MARK3: variants seen among roughly 807,000 people sequenced by gnomAD.
MARK3 encodes microtubule affinity regulating kinase 3.
A neutral mutation model predicts 90.1 loss-of-function variants in MARK3; 46 were observed. The ratio of observed to expected loss-of-function variants is 0.51; its 90% CI spans 0.40 to 0.65. The LOEUF is 0.65. MARK3 is among the 30% of genes least tolerant of loss of function. The pLI is 0.00. For synonymous variants in MARK3, 321 were observed against 332.6 expected, an observed-to-expected ratio of 0.97 and a Z score of 0.38; for missense variants, 818 against 947.2, an observed-to-expected ratio of 0.86 and a Z score of 1.79.
chr14:103,437,454 T>G (rs1405155977), intron 3 of MARK3, among the ~76,000 whole-genome samples: 3 of 152,188 alleles, frequency 2.0e-5, no homozygotes, highest in Non-Finnish European at 4.4e-5. Flanking sequence ...ATTGATTGTT[T>G]GTTTTTAGAA....
At chr14:103,474,408 C>G (rs77763072) in intron 12 of MARK3, among the ~76,000 whole-genome samples, 1 of 152,332 alleles carries the variant, frequency 6.6e-6, no homozygotes, top group African/African-American at 2.4e-5. Context: ...CCTGGACACA[C>G]TCCTCCTGGA....
intron 2 of MARK3, among the ~76,000 whole-genome samples, chr14:103,416,931 C>T (rs2091967332): frequency 6.6e-6 from 1 of 152,054 alleles, no homozygotes; most frequent in Admixed American, 6.6e-5. Flanking sequence ...TGATCTGCTA[C>T]GATGAGGAGA....
intron 3 of MARK3, 44 bp downstream of exon 3, chr14:103,428,484 T>C (rs1371506623): frequency 9.0e-7 from 1 of 1,112,690 alleles, no homozygotes; most frequent in Non-Finnish European, 1.3e-6. Context: ...AAATTATCGG[T>C]GCTAATTGCC....
At chr14:103,424,262 G>A (rs544332702) in intron 2 of MARK3, among the ~76,000 whole-genome samples, 13 of 151,592 alleles carry the variant, frequency 8.6e-5, no homozygotes, top group Admixed American at 1.3e-4. Flanking sequence ...ACCGGATGCC[G>A]TGGCTCATGC....
At chr14:103,396,372 T>G (rs1219547869) in intron 1 of MARK3, among the ~76,000 whole-genome samples, 1 of 152,172 alleles carries the variant, frequency 6.6e-6, no homozygotes, top group Non-Finnish European at 1.5e-5. Context: ...TTTTTTTAGT[T>G]TCTGAAAGTA....
chr14:103,440,526 G>T (rs2092823794), intron 3 of MARK3, among the ~76,000 whole-genome samples: 1 of 152,170 alleles, frequency 6.6e-6, no homozygotes, highest in Non-Finnish European at 1.5e-5. Flanking sequence ...CTTGAACCCG[G>T]GAGGTGGAGG....
Position 103,450,782 on chromosome 14 carries a change from T to C in MARK3, c.347-1136T>C, listed in dbSNP as rs146581164. On this transcript the variant is annotated intron_variant, in intron 4 of 17. Transcript: ENST00000429436. ...AAAACACTAGCATACCCCCCAGTTT[T>C]GGGTAAACTTAAAGTAAATATTAAC... is the stretch of plus-strand genomic sequence containing the variant. Among the ~76,000 whole-genome samples, 156 of 152,156 alleles carry C rather than the reference T, an allele frequency of 1.0e-3. 5 individuals carry two copies. In the East Asian group the frequency reaches 0.026, roughly 25 times the overall value.
chr14:103,438,910 C>T (rs1044638289), intron 3 of MARK3, among the ~76,000 whole-genome samples: 5 of 151,758 alleles, frequency 3.3e-5, no homozygotes, highest in African/African-American at 1.2e-4. Context: ...ATTGCTTGAG[C>T]CCGGGAGGTC....
At chr14:103,404,805 C>G (rs753022017) in intron 1 of MARK3, among the ~76,000 whole-genome samples, 1 of 152,086 alleles carries the variant, frequency 6.6e-6, no homozygotes, top group Non-Finnish European at 1.5e-5. Context: ...CAGAAGGTAG[C>G]CCTTTTACTC....
chr14:103,403,269 A>G (rs2091071226), intron 1 of MARK3, among the ~76,000 whole-genome samples: 1 of 151,618 alleles, frequency 6.6e-6, no homozygotes, highest in South Asian at 2.1e-4. Flanking sequence ...TACATACCTC[A>G]TGGGGATATG....
At chr14:103,449,748 A>G (rs570588574) in intron 4 of MARK3, among the ~76,000 whole-genome samples, 1 of 152,330 alleles carries the variant, frequency 6.6e-6, no homozygotes, top group African/African-American at 2.4e-5. Flanking sequence ...TTGATCCCAT[A>G]TGCATTGTAA....
At chr14:103,444,399 A>G (rs974782514) in intron 3 of MARK3, among the ~76,000 whole-genome samples, 1 of 152,162 alleles carries the variant, frequency 6.6e-6, no homozygotes, top group Admixed American at 6.5e-5. Context: ...TTCAATTTAT[A>G]CGTTTCCATG....
At chr14:103,499,986 G>A in intron 16 of MARK3, 170 bp from the exon 17 acceptor site, 1 of 643,606 alleles carries the variant, frequency 1.6e-6, no homozygotes, top group Non-Finnish European at 2.8e-6. Flanking sequence ...AGGTAGCGCT[G>A]GCTCAGTCAA....
At chr14:103,404,119 T>C (rs1379084893) in intron 1 of MARK3, among the ~76,000 whole-genome samples, 1 of 152,220 alleles carries the variant, frequency 6.6e-6, no homozygotes, top group African/African-American at 2.4e-5. Flanking sequence ...AAGCTTACTT[T>C]CACTTTAAAA....
chr14:103,487,849 C>G (rs1480213233), intron 14 of MARK3, among the ~76,000 whole-genome samples: 2 of 152,076 alleles, frequency 1.3e-5, no homozygotes, highest in Non-Finnish European at 2.9e-5. Flanking sequence ...GAGTTCAAGA[C>G]CACCCTGGCT....
In MARK3 at chr14:103,500,215, T is replaced by A. The variant is rs2075585914; in HGVS notation, c.1916+15T>A. 1.3e-6 allele frequency: 2 copies of A among 1,585,104 alleles called. No homozygotes were observed. The highest frequency in any genetic ancestry group is 1.7e-6 in the Non-Finnish European group (2 of 1,169,498). On this transcript the variant is annotated intron_variant, in intron 17 of 17. Transcript: ENST00000429436. The stretch of plus-strand genomic sequence containing the variant: ...GAGGGCTCAAGGTGAGGGAAATGAT[T>A]TTTACTTAAAATTTTTTTCAGGTGT...
intron 2 of MARK3, chr14:103,412,571 C>T (rs2091710295): frequency 1.5e-6 from 1 of 677,690 alleles, no homozygotes; most frequent in East Asian, 4.0e-5. Context: ...CCCCCAGGAC[C>T]CACACTTGGG....
intron 15 of MARK3, among the ~76,000 whole-genome samples, chr14:103,495,009 T>C (rs2075259167): frequency 6.6e-6 from 1 of 152,224 alleles, no homozygotes; most frequent in South Asian, 2.1e-4. Flanking sequence ...TATGCATATT[T>C]TATGTATAAA....
intron 2 of MARK3, chr14:103,412,034 TGATTA>T (rs1208546687): frequency 1.9e-5 from 7 of 369,974 alleles, no homozygotes; most frequent in Non-Finnish European, 3.3e-5. Context: ...CATGAAATTT[TGATTA>T]GATTAGTTTT....
Sources: allele counts gnomAD v4.1 joint callset (sites outside exome capture counted in the v4.1 genomes callset), GRCh38; gene constraint gnomAD v4.1.1; transcripts MANE v1.5; gene names NCBI Gene and HGNC (gene_info 2026-07-23, HGNC 2026-07-21).